SLC2A13: variants seen among roughly 807,000 people sequenced by gnomAD.
The protein encoded by SLC2A13 is solute carrier family 2 member 13.
SLC2A13 carries 32 observed loss-of-function variants against 64.4 expected under a neutral mutation model. That is an observed-to-expected ratio of 0.50 (90% confidence interval 0.37 to 0.67). The LOEUF is 0.67. Among genes scored for constraint, SLC2A13 ranks in the 30% least tolerant of loss-of-function variants. SLC2A13 has a pLI of 0.00. For synonymous variants in SLC2A13, 338 were observed against 327.1 expected (o/e 1.03, Z -0.36); for missense variants, 743 against 829.2 (o/e 0.90, Z 1.28).
chr12:40,059,867 T>C (rs1948390022), intron 1 of SLC2A13, among the ~76,000 whole-genome samples: 1 of 152,138 alleles, frequency 6.6e-6, no homozygotes, highest in African/African-American at 2.4e-5. Flanking sequence ...GGATGCTCTC[T>C]GGACTGGGGG....
At chr12:40,069,765 C>T (rs570014398) in intron 1 of SLC2A13, among the ~76,000 whole-genome samples, 1 of 152,188 alleles carries the variant, frequency 6.6e-6, no homozygotes, top group South Asian at 2.1e-4. Flanking sequence ...AGGCATGTAA[C>T]CTTTTTTATC....
chr12:39,969,840 T>C lies in SLC2A13; in HGVS notation c.926-18475A>G, dbSNP rs371046176. Among the ~76,000 whole-genome samples, 419 of 152,338 alleles carry C rather than the reference T, an allele frequency of 2.8e-3. 10 individuals carry two copies. In the East Asian group the frequency reaches 0.068, roughly 25 times the overall value. ...TTGTCAATTTTGGCTTTTGTTGCCA[T>C]TGCTTTTGGTGTTTTAGACATGAAG... On this transcript the variant is annotated intron_variant, in intron 3 of 9. Transcript: ENST00000280871.
intron 3 of SLC2A13, among the ~76,000 whole-genome samples, chr12:40,014,374 A>G (rs1480806053): frequency 1.3e-5 from 2 of 151,634 alleles, no homozygotes. Context: ...CTCATAGCAG[A>G]TTGGTACACT....
chr12:39,966,125 G>A (rs998590944), intron 3 of SLC2A13, among the ~76,000 whole-genome samples: 1 of 147,130 alleles, frequency 6.8e-6, no homozygotes. Flanking sequence ...ATGTGTGTGT[G>A]TATATATATA....
At position 40,105,141 on chromosome 12, in the gene SLC2A13, T is replaced by C; in HGVS notation, c.556+112A>G. Reference sequence around the variant, plus strand: ...TGGAGGCCAGAGAAGTGGAGGATTCTCTGACCCTGGGAGACCAGACGGGGA... The same window carrying C: ...TGGAGGCCAGAGAAGTGGAGGATTCCCTGACCCTGGGAGACCAGACGGGGA... On this transcript the variant is annotated intron_variant, in intron 1 of 9. Transcript: ENST00000280871. The surrounding 1 kb of genome is among the most constrained non-coding windows in gnomAD (Gnocchi z 4.2). 1 of 1,366,174 alleles carries C rather than the reference T, an allele frequency of 7.3e-7. No homozygotes were observed. The highest frequency in any genetic ancestry group is 9.4e-7 in the Non-Finnish European group (1 of 1,061,036). The allele number at this position is 1,366,174 out of a possible 1,614,324, so 84.6% of individuals were successfully genotyped here.
chr12:39,844,150 A>T (rs2135880744), intron 6 of SLC2A13, among the ~76,000 whole-genome samples: 1 of 152,190 alleles, frequency 6.6e-6, no homozygotes, highest in African/African-American at 2.4e-5. Flanking sequence ...TGTGCAACAC[A>T]CATGCCTCCT....
chr12:39,971,410 A>G (rs781317534), intron 3 of SLC2A13, among the ~76,000 whole-genome samples: 15 of 152,224 alleles, frequency 9.9e-5, no homozygotes, highest in Non-Finnish European at 2.2e-4. Context: ...TATTTCTATT[A>G]AGGTCTAACA....
intron 4 of SLC2A13, among the ~76,000 whole-genome samples, chr12:39,896,518 A>ACACATATATGTATG (rs1944906753): frequency 1.4e-5 from 2 of 138,486 alleles, no homozygotes; most frequent in Non-Finnish European, 3.2e-5. Flanking sequence ...ACATGTGTGT[A>ACACATATATGTATG]TACATGTATA....
chr12:39,943,274 T>C (rs2132745), intron 4 of SLC2A13, among the ~76,000 whole-genome samples: 131,595 of 152,206 alleles, frequency 0.86, 56,967 homozygotes, highest in East Asian at 1. Context: ...TAGCAGAGTT[T>C]GAGTGCTGTG....
intron 7 of SLC2A13, among the ~76,000 whole-genome samples, chr12:39,789,954 T>C (rs909843242): frequency 1.3e-5 from 2 of 151,992 alleles, no homozygotes; most frequent in East Asian, 3.9e-4. Context: ...ATATACAACA[T>C]GAGCCACAAA....
rs573502945 is a variant in SLC2A13, at chr12:39,947,684, G to A, written c.1034+3573C>T. ...TTTTTTTTTTTTTTTTTTTTGAGACGGAGTGTCGCTCAGTCGCCCAGGCTG... is the reference window on the plus strand; with the variant it reads ...TTTTTTTTTTTTTTTTTTTTGAGACAGAGTGTCGCTCAGTCGCCCAGGCTG... On this transcript the variant is annotated intron_variant, in intron 4 of 9. Transcript: ENST00000280871. 8.6e-4 allele frequency among the ~76,000 whole-genome samples: 119 copies of A among 138,954 alleles called. 2 individuals are homozygous for A. The highest frequency in any genetic ancestry group is 1.4e-4 in the Non-Finnish European group (9 of 65,770). The allele number at this position is 138,954 out of a possible 152,430, so 91.2% of individuals were successfully genotyped here. A position where few individuals can be genotyped will look rare whatever the true frequency, so the allele number is the denominator to read the frequency against.
intron 1 of SLC2A13, among the ~76,000 whole-genome samples, chr12:40,064,311 A>T (rs563880316): frequency 6.6e-6 from 1 of 152,108 alleles, no homozygotes; most frequent in Non-Finnish European, 1.5e-5. Context: ...ATACTCACGC[A>T]TACATACACA....
intron 7 of SLC2A13, among the ~76,000 whole-genome samples, chr12:39,797,640 A>T (rs940842143): frequency 3.9e-5 from 6 of 152,136 alleles, no homozygotes; most frequent in Admixed American, 2.0e-4. Flanking sequence ...AATATGAAGC[A>T]GATAATGTCA....
chr12:39,917,568 C>A (rs559660794), intron 4 of SLC2A13, among the ~76,000 whole-genome samples: 1 of 152,176 alleles, frequency 6.6e-6, no homozygotes, highest in African/African-American at 2.4e-5. Flanking sequence ...CTTAACAGAA[C>A]AAAAGGTGAA....
At chr12:39,903,450 C>G (rs1204588113) in intron 4 of SLC2A13, among the ~76,000 whole-genome samples, 1 of 152,180 alleles carries the variant, frequency 6.6e-6, no homozygotes, top group South Asian at 2.1e-4. Flanking sequence ...TTCTGGCCCC[C>G]CAGTATCTCT....
intron 2 of SLC2A13, among the ~76,000 whole-genome samples, chr12:40,042,308 C>G (rs1020231317): frequency 5.9e-5 from 9 of 152,000 alleles, no homozygotes; most frequent in Non-Finnish European, 1.5e-5. Context: ...TTTAGCCCCT[C>G]TGTATATATA....
At chr12:40,073,764 T>C (rs988708136) in intron 1 of SLC2A13, among the ~76,000 whole-genome samples, 4 of 151,708 alleles carry the variant, frequency 2.6e-5, no homozygotes, top group Non-Finnish European at 5.9e-5. Flanking sequence ...TTTGCTATTA[T>C]ATAGATAATA....
intron 1 of SLC2A13, among the ~76,000 whole-genome samples, chr12:40,061,938 T>C (rs1284176913): frequency 6.6e-6 from 1 of 151,962 alleles, no homozygotes; most frequent in African/African-American, 2.4e-5. Flanking sequence ...GCTACTATAA[T>C]AAACACAGTA....
At position 39,999,992 on chromosome 12, in the gene SLC2A13, G is replaced by C. The variant is rs541473357; in HGVS notation, c.925+28309C>G. Among the ~76,000 whole-genome samples the C allele has an allele frequency of 5.3e-5, 8 of 152,252 alleles. No homozygotes were observed. In the South Asian group the frequency reaches 1.7e-3, roughly 32 times the overall value. On this transcript the variant is annotated intron_variant, in intron 3 of 9. Coordinates refer to ENST00000280871, the MANE Select transcript of SLC2A13 (RefSeq NM_052885.4). ...ACTCTTTCTCTTTATTTCTCAGCCA[G>C]CTGGCACTTATGGAAAATAGAAAGA...
Sources: gnomAD v4.1 joint callset for allele counts (sites outside exome capture counted in the v4.1 genomes callset) on GRCh38, gnomAD v4.1.1 for gene constraint, Gnocchi (gnomAD v3.1) non-coding constraint, MANE v1.5 for transcripts, NCBI Gene and HGNC (gene_info 2026-07-23, HGNC 2026-07-21) for gene names.